The following C2CD3 variants were observed in gnomAD, a reference collection of about 807,000 sequenced individuals.
C2CD3 encodes C2 domain containing 3 centriole elongation regulator.
In C2CD3, 148 loss-of-function variants were observed where a neutral mutation model predicts 234.0. That is an observed-to-expected ratio of 0.63 (90% CI 0.55 to 0.72). The LOEUF is 0.72. C2CD3 is among the 30% of genes least tolerant of loss of function. C2CD3 has a pLI of 0.00. For missense variants in C2CD3, 2,577 were observed against 2,811.5 expected (o/e 0.92, Z 1.89); for synonymous variants, 1,000 against 1,035.4 (o/e 0.97, Z 0.66).
Position 74,162,181 on chromosome 11 carries a change from G to GT in C2CD3, c.326-626dup, listed in dbSNP as rs934116773. Among the ~76,000 whole-genome samples the GT allele has an allele frequency of 2.6e-5, 4 of 152,008 alleles. 1 individual carries two copies. Among genetic ancestry groups the GT allele is most frequent in the South Asian group, 4.2e-4 (2 of 4,814 alleles). On this transcript the variant is annotated intron_variant, in intron 2 of 32. Transcript: ENST00000334126. ...TGTACCAGAATATTTAATAAAATGT[G>GT]TTTTTTTAATAATGGCAAAATGGTG...
rs776160943 is a variant in C2CD3, at chr11:74,078,267, T to A, written c.4451A>T (p.Tyr1484Phe). 8.1e-6 allele frequency: 13 copies of A among 1,614,156 alleles called. No homozygotes were observed. In the East Asian group the frequency reaches 2.9e-4, roughly 36 times the overall value. ...EVTRGPSLLWYFREERLEIQV... is the reference protein window; with the variant it reads ...EVTRGPSLLWFFREERLEIQV... Reference sequence around the variant, plus strand: ...GATCTCTAGCCTCTCCTCCCTGAAGTACCAAAGCAGTGATGGGCCCCTGGT... The same window carrying A: ...GATCTCTAGCCTCTCCTCCCTGAAGAACCAAAGCAGTGATGGGCCCCTGGT... Residue 1484 changes from tyrosine to phenylalanine, a missense_variant, in exon 23 of 33, where the codon TAC becomes TTC. Coordinates refer to ENST00000334126, the MANE Select transcript of C2CD3 (RefSeq NM_001286577.2).
At chr11:74,083,376 G>C (rs1955482316) in intron 22 of C2CD3, among the ~76,000 whole-genome samples, 2 of 152,180 alleles carry the variant, frequency 1.3e-5, no homozygotes, top group Admixed American at 6.5e-5. Context: ...CAGGACGTAG[G>C]CATGGGCAAG....
chr11:74,024,344 T>C (rs768232362), intron 32 of C2CD3, among the ~76,000 whole-genome samples: 19 of 152,194 alleles, frequency 1.2e-4, no homozygotes, highest in South Asian at 8.3e-4. Context: ...TTTCAGACAA[T>C]TGAAGCTGGA....
At chr11:74,052,678 T>C (rs1429043563) in intron 26 of C2CD3, among the ~76,000 whole-genome samples, 1 of 152,240 alleles carries the variant, frequency 6.6e-6, no homozygotes, top group Non-Finnish European at 1.5e-5. Flanking sequence ...TGATCAGCTC[T>C]TGCTGTATTT....
chr11:74,014,834 C>A (rs118130560), intron 32 of C2CD3, among the ~76,000 whole-genome samples: 1 of 152,132 alleles, frequency 6.6e-6, no homozygotes, highest in African/African-American at 2.4e-5. Flanking sequence ...CTTGAGGGTC[C>A]CTGCCAGTCT....
At chr11:74,060,759 T>G (rs1954197967) in intron 24 of C2CD3, among the ~76,000 whole-genome samples, 1 of 152,218 alleles carries the variant, frequency 6.6e-6, no homozygotes, top group Admixed American at 6.5e-5. Context: ...GGAACAAAGT[T>G]GGACGGAGAA....
intron 3 of C2CD3, among the ~76,000 whole-genome samples, chr11:74,150,516 CAA>C (rs1162306851): frequency 1.5e-5 from 1 of 65,990 alleles, no homozygotes. Context: ...AAAAAAAAAA[CAA>C]AAAAAAAACA....
chr11:74,091,200 G>T, intron 19 of C2CD3: 1 of 316,448 alleles, frequency 3.2e-6, no homozygotes, highest in Non-Finnish European at 5.8e-6. Flanking sequence ...ACTGAAGGCA[G>T]AACTTAACTC....
intron 3 of C2CD3, among the ~76,000 whole-genome samples, chr11:74,159,281 T>C (rs563069646): frequency 6.6e-6 from 1 of 152,346 alleles, no homozygotes; most frequent in South Asian, 2.1e-4. Flanking sequence ...ATTATACTTT[T>C]TCTTTTTGTT....
chr11:74,154,601 C>T (rs1374870208), intron 3 of C2CD3, among the ~76,000 whole-genome samples: 2 of 152,138 alleles, frequency 1.3e-5, no homozygotes, highest in Non-Finnish European at 2.9e-5. Flanking sequence ...GGGGTTGATA[C>T]ATTTTCCTAT....
intron 20 of C2CD3, among the ~76,000 whole-genome samples, chr11:74,088,982 T>C (rs943374140): frequency 6.6e-6 from 1 of 152,234 alleles, no homozygotes; most frequent in Non-Finnish European, 1.5e-5. Context: ...GGTTATCTCA[T>C]ATATTAAAGT....
At chr11:74,043,128 C>T (rs541342357) in intron 28 of C2CD3, among the ~76,000 whole-genome samples, 20 of 152,316 alleles carry the variant, frequency 1.3e-4, no homozygotes, top group African/African-American at 4.8e-4. Context: ...ACAAAACAAC[C>T]TCATACCCAT....
intron 32 of C2CD3, among the ~76,000 whole-genome samples, chr11:74,023,865 T>C (rs963833326): frequency 6.6e-6 from 1 of 152,228 alleles, no homozygotes; most frequent in African/African-American, 2.4e-5. Flanking sequence ...CTCCATCTTG[T>C]TATCATTCAA....
chr11:74,018,122 T>G (rs1463360950), intron 32 of C2CD3, among the ~76,000 whole-genome samples: 1 of 152,174 alleles, frequency 6.6e-6, no homozygotes, highest in Non-Finnish European at 1.5e-5. Context: ...GAACTTCTGT[T>G]TGGTCTTCTT....
chr11:74,033,878 T>C lies in C2CD3; in HGVS notation c.6282A>G (p.Thr2094=). The change falls in exon 31 of 33, where the codon ACA becomes ACG. Residue 2094 remains threonine (T), a synonymous_variant. Transcript: ENST00000334126. ...CAGGCTGAGGGCTGATGACCTCACT[T>C]GTGTCTGATATGACACTAGACCAAG... The part of the protein sequence containing the change: ...TSPWSSVISD[T]SEVISPQPDE... The C allele has an allele frequency of 1.3e-6, 2 of 1,536,202 alleles. No homozygotes were observed.
Position 74,162,838 on chromosome 11 carries a change from T to C in C2CD3, c.326-1282A>G, listed in dbSNP as rs528756202. On this transcript the variant is annotated intron_variant, in intron 2 of 32. Coordinates refer to ENST00000334126, the MANE Select transcript of C2CD3 (RefSeq NM_001286577.2). ...CATTCTCACCATTTCTAGTTTTGAA[T>C]TGACAAAGGATTGCCCTTGCACAGC... is the stretch of plus-strand genomic sequence containing the variant. 3.3e-5 allele frequency among the ~76,000 whole-genome samples: 5 copies of C among 152,342 alleles called. No homozygotes were observed. The South Asian group carries it at 1.0e-3, about 32-fold the overall frequency.
intron 32 of C2CD3, among the ~76,000 whole-genome samples, chr11:74,018,404 C>G (rs539156386): frequency 5.9e-5 from 9 of 152,244 alleles, no homozygotes; most frequent in South Asian, 4.1e-4. Flanking sequence ...TGTCTTCCCC[C>G]CTTCTTTGGT....
Position 74,013,320 on chromosome 11 carries a change from G to T in C2CD3, c.*65C>A. 1.9e-6 allele frequency: 1 copy of T among 523,004 alleles called. No individual in the cohort carries two copies. 32.4% of individuals were successfully genotyped at this position (523,004 alleles called of 1,614,324 possible). The stretch of plus-strand genomic sequence containing the variant: ...GAAGGAGCCAGACCTGGTGCCTCCT[G>T]CAAGCTGGACAAAGCTGACGGAGGG... On this transcript the variant is annotated 3_prime_UTR_variant, in exon 33 of 33. Transcript: ENST00000334126.
chr11:74,019,360 C>T (rs1302337906), intron 32 of C2CD3, among the ~76,000 whole-genome samples: 1 of 152,214 alleles, frequency 6.6e-6, no homozygotes, highest in Non-Finnish European at 1.5e-5. Context: ...TCTATACACC[C>T]GTGGCCAAGT....
Sources: gnomAD v4.1 joint callset for allele counts (sites outside exome capture counted in the v4.1 genomes callset) on GRCh38, gnomAD v4.1.1 for gene constraint, MANE v1.5 for transcripts, NCBI Gene and HGNC (gene_info 2026-07-23, HGNC 2026-07-21) for gene names.